PARP6: variants seen among roughly 807,000 people sequenced by gnomAD.
PARP6 encodes the protein protein mono-ADP-ribosyltransferase PARP6.
Under a neutral mutation model 92.0 loss-of-function variants are expected in PARP6, and 27 were observed. The ratio of observed to expected loss-of-function variants is 0.29; its 90% CI spans 0.22 to 0.40. PARP6 has a LOEUF of 0.40. Among genes scored for constraint, PARP6 ranks in the 10% least tolerant of loss-of-function variants. The pLI is 1.00. For missense variants in PARP6, 501 were observed against 784.5 expected (o/e 0.64, Z 4.32); for synonymous variants, 272 against 281.2 (o/e 0.97, Z 0.33).
At chr15:72,267,319 T>C (rs1362887758) in intron 3 of PARP6, 156 bp downstream of exon 3, 1 of 756,560 alleles carries the variant, frequency 1.3e-6, no homozygotes, top group African/African-American at 1.7e-5. Flanking sequence ...CACCAAGTAA[T>C]ACTGTTTCTG....
intron 10 of PARP6, among the ~76,000 whole-genome samples, chr15:72,260,046 G>T (rs2085650347): frequency 6.6e-6 from 1 of 152,230 alleles, no homozygotes; most frequent in Non-Finnish European, 1.5e-5. Context: ...TTCCAGCTGG[G>T]AGTGGTGGCT....
At chr15:72,256,392 A>G (rs988065373) in intron 14 of PARP6, 73 bp downstream of exon 14, 2 of 1,273,958 alleles carry the variant, frequency 1.6e-6, no homozygotes, top group African/African-American at 3.1e-5. Flanking sequence ...TATATACCAG[A>G]ATGTCAGCCC....
chr15:72,254,352 C>A (rs34382909), intron 15 of PARP6, 103 bp downstream of exon 15: 18,140 of 798,330 alleles, frequency 0.023, 397 homozygotes, highest in African/African-American at 0.089. Context: ...AAATACAGTG[C>A]GTAGCATCTC....
chr15:72,254,981 G>T (rs1597030574), intron 14 of PARP6, among the ~76,000 whole-genome samples: 1 of 152,100 alleles, frequency 6.6e-6, no homozygotes, highest in Non-Finnish European at 1.5e-5. Flanking sequence ...ATTAACATTT[G>T]AATCAGCAGA....
rs1235048821 is a variant in PARP6 at position 72,250,988 on chromosome 15, CAG to C, written c.1309-36_1309-35del. ...CAGGGTGGGGGTGGAATCAGGAAAA[CAG>C]AGCAGAAATCGAGATCAGGGAGGGA... is the stretch of plus-strand genomic sequence containing the variant. On this transcript the variant is annotated intron_variant, in intron 17 of 23. Transcript: ENST00000569795. The C allele has an allele frequency of 4.0e-6, 6 of 1,500,538 alleles. No homozygotes were observed. In the Admixed American group the frequency reaches 5.2e-5, roughly 13 times the overall value. The allele number at this position is 1,500,538 out of a possible 1,614,324, so 93.0% of individuals were successfully genotyped here.
intron 11 of PARP6, 122 bp downstream of exon 11, chr15:72,259,486 C>T (rs1827438381): frequency 2.6e-6 from 2 of 754,776 alleles, no homozygotes; most frequent in Admixed American, 2.1e-5. Flanking sequence ...TTTCCTTCTA[C>T]CATTAGTTCT....
intron 3 of PARP6, chr15:72,267,030 G>A (rs1032843820): frequency 3.6e-6 from 2 of 548,770 alleles, no homozygotes; most frequent in Admixed American, 3.2e-5. Context: ...CTAGCTCTTA[G>A]TGGGACAGAG....
At chr15:72,264,479 G>C (rs2086302013) in intron 8 of PARP6, 76 bp downstream of exon 8, 1 of 1,098,766 alleles carries the variant, frequency 9.1e-7, no homozygotes, top group Non-Finnish European at 1.4e-6. Flanking sequence ...CCAAGGCTCT[G>C]CCTGTCCATC....
In PARP6 at chr15:72,241,372, A is replaced by T; in HGVS notation, c.*83T>A. 1 of 937,702 alleles carries T rather than the reference A, an allele frequency of 1.1e-6. No homozygotes were observed. Among genetic ancestry groups the T allele is most frequent in the East Asian group, 2.5e-5 (1 of 40,726 alleles). The allele number at this position is 937,702 out of a possible 1,614,324, so 58.1% of individuals were successfully genotyped here. On this transcript the variant is annotated 3_prime_UTR_variant, in exon 24 of 24. Transcript: ENST00000569795. This position sits in a 1 kb window ranked among gnomAD's most constrained non-coding sequence, Gnocchi z 4.1. Reference sequence around the variant, plus strand: ...TAATGGCCCCTTGATTCCTCAGGGCAGCCTCAGCTGCTGTACCTGAACACT... The same window carrying T: ...TAATGGCCCCTTGATTCCTCAGGGCTGCCTCAGCTGCTGTACCTGAACACT...
rs751085544 is a variant in PARP6, at chr15:72,254,488, C to G, written c.1158G>C (p.Leu386=). The change falls in exon 15 of 24, where the codon CTG becomes CTC. Residue 386 remains leucine, a synonymous_variant. Coordinates refer to ENST00000569795, the MANE Select transcript of PARP6 (RefSeq NM_001323532.2). ...KKNYERLQKA[L]DSVMSIREMT... ...TCTCCCGAATAGACATCACACTATC[C>G]AGAGCTTTCTGAAGCCGCTCATAAT... is the stretch of plus-strand genomic sequence containing the variant. The G allele has an allele frequency of 6.2e-7, 1 of 1,613,718 alleles. No individual in the cohort carries two copies. Among genetic ancestry groups the G allele is most frequent in the Admixed American group, 1.7e-5 (1 of 60,022 alleles).
rs2140865800 is a variant in PARP6 at position 72,241,641 on chromosome 15, T to C, written c.1791-84A>G. On this transcript the variant is annotated intron_variant, in intron 23 of 23. Coordinates refer to ENST00000569795, the MANE Select transcript of PARP6 (RefSeq NM_001323532.2). This position sits in a 1 kb window ranked among gnomAD's most constrained non-coding sequence, Gnocchi z 4.1. ...ATCAGTGGAACTGTATTTCAAGGTA[T>C]GGCCATCCCATCCCAGAAGTCAAAG... 9.4e-7 allele frequency: 1 copy of C among 1,068,776 alleles called. No individual in the cohort carries two copies. Among genetic ancestry groups the C allele is most frequent in the South Asian group, 1.3e-5 (1 of 76,814 alleles). 66.2% of individuals were successfully genotyped at this position (1,068,776 alleles called of 1,614,324 possible). A position where few individuals can be genotyped will look rare whatever the true frequency, so the allele number is the denominator to read the frequency against.
intron 3 of PARP6, 155 bp downstream of exon 3, chr15:72,267,320 A>G (rs550201667): frequency 3.3e-5 from 25 of 760,760 alleles, no homozygotes; most frequent in Non-Finnish European, 5.7e-5. Flanking sequence ...ACCAAGTAAT[A>G]CTGTTTCTGT....
intron 16 of PARP6, among the ~76,000 whole-genome samples, chr15:72,252,493 T>C (rs2084499448): frequency 6.6e-6 from 1 of 152,146 alleles, no homozygotes; most frequent in African/African-American, 2.4e-5. Flanking sequence ...ACATGTAATT[T>C]TTTTTTTTTG....
chr15:72,246,932 A>G lies in PARP6; in HGVS notation c.1561+2313T>C, dbSNP rs144825374. Among the ~76,000 whole-genome samples the G allele has an allele frequency of 7.7e-4, 117 of 151,656 alleles. 1 individual carries two copies. The highest frequency in any genetic ancestry group is 2.7e-3 in the African/African-American group (113 of 41,342). ...ACCACGCCTGGCTAATTTTCTTTGTATTTTTAGTAGAGATGGGGCTTCTCC... is the reference window on the plus strand; with the variant it reads ...ACCACGCCTGGCTAATTTTCTTTGTGTTTTTAGTAGAGATGGGGCTTCTCC... On this transcript the variant is annotated intron_variant, in intron 20 of 23. Transcript: ENST00000569795.
At position 72,253,892 on chromosome 15, in the gene PARP6, T is replaced by G. The variant is rs764166682; in HGVS notation, c.1192-388A>C. On this transcript the variant is annotated intron_variant, in intron 15 of 23. Coordinates refer to ENST00000569795, the MANE Select transcript of PARP6 (RefSeq NM_001323532.2). ...TGACAAGTAAATCATTCCTCCTAGG[T>G]GTATCTTATGTGTAAATCTCAACTG... The G allele has an allele frequency of 2.5e-5, 11 of 439,266 alleles. No individual in the cohort carries two copies. The Middle Eastern group carries it at 1.7e-3, about 67-fold the overall frequency. The allele number at this position is 439,266 out of a possible 1,614,324, so 27.2% of individuals were successfully genotyped here.
chr15:72,264,687 G>A, intron 7 of PARP6, 66 bp from the exon 8 acceptor site: 1 of 1,238,184 alleles, frequency 8.1e-7, no homozygotes, highest in Non-Finnish European at 1.2e-6. Context: ...CCAAAGCTCA[G>A]TGGAATAGCT....
intron 16 of PARP6, among the ~76,000 whole-genome samples, chr15:72,251,588 A>G (rs2084364400): frequency 6.6e-6 from 1 of 152,162 alleles, no homozygotes; most frequent in South Asian, 2.1e-4. Context: ...GTCACCTACA[A>G]AAAAAGAAAA....
chr15:72,266,830 T>A lies in PARP6; in HGVS notation c.4-8A>T. On this transcript the variant is annotated splice_region_variant and splice_polypyrimidine_tract_variant and intron_variant, in intron 3 of 23. Transcript: ENST00000569795. Reference sequence around the variant, plus strand: ...GAACTGGCCTTTGATGTCCTAGTGGTGAGAAATAAGGATATCATGCTTTGT... The same window carrying A: ...GAACTGGCCTTTGATGTCCTAGTGGAGAGAAATAAGGATATCATGCTTTGT... 6.2e-7 allele frequency: 1 copy of A among 1,607,628 alleles called. No homozygotes were observed. Among genetic ancestry groups the A allele is most frequent in the Non-Finnish European group, 8.5e-7 (1 of 1,174,174 alleles).
intron 18 of PARP6, 116 bp downstream of exon 18, chr15:72,250,729 A>AG: frequency 3.1e-6 from 2 of 648,144 alleles, no homozygotes; most frequent in African/African-American, 3.6e-5. Context: ...GCATTTAGTA[A>AG]GTATCTGCTG....
Sources: allele counts gnomAD v4.1 joint callset (sites outside exome capture counted in the v4.1 genomes callset), GRCh38; gene constraint gnomAD v4.1.1; non-coding constraint Gnocchi (gnomAD v3.1); transcripts MANE v1.5; gene names NCBI Gene and HGNC (gene_info 2026-07-23, HGNC 2026-07-21).